Variants in PTPRD observed in about 807,000 individuals in gnomAD.
The protein encoded by PTPRD is receptor-type tyrosine-protein phosphatase delta.
PTPRD carries 34 observed loss-of-function variants against 214.5 expected under a neutral mutation model. The observed-to-expected ratio is 0.16, with a 90% CI of 0.12 to 0.21. The LOEUF (loss-of-function observed/expected upper bound fraction) is 0.21, where lower values mean the gene tolerates loss of function less well. Among genes scored for constraint, PTPRD ranks in the 10% least tolerant of loss-of-function variants. PTPRD has a pLI of 1.00. For synonymous variants in PTPRD, 1,128 were observed against 845.7 expected (o/e 1.33, Z -5.79); for missense variants, 2,545 against 2,398.7 (o/e 1.06, Z -1.27).
At chr9:8,568,809 T>C (rs1363082117) in intron 14 of PTPRD, among the ~76,000 whole-genome samples, 1 of 152,054 alleles carries the variant, frequency 6.6e-6, no homozygotes, top group Non-Finnish European at 1.5e-5. Context: ...ATATGAATAT[T>C]TTAGAAAATG....
intron 2 of PTPRD, among the ~76,000 whole-genome samples, chr9:10,432,520 C>T (rs1315923095): frequency 6.6e-6 from 1 of 152,050 alleles, no homozygotes; most frequent in East Asian, 1.9e-4. Context: ...AACACTAATT[C>T]TTCACCAAAA....
chr9:8,641,882 A>T (rs1424361800), intron 12 of PTPRD, among the ~76,000 whole-genome samples: 1 of 152,172 alleles, frequency 6.6e-6, no homozygotes, highest in African/African-American at 2.4e-5. Context: ...GTTGCTAGGC[A>T]CTCTGAAGAC....
intron 12 of PTPRD, among the ~76,000 whole-genome samples, chr9:8,722,492 T>G (rs538283952): frequency 4.1e-5 from 4 of 98,682 alleles, no homozygotes; most frequent in African/African-American, 2.4e-4. Context: ...ATATAAACAA[T>G]AAAGGGTTTT....
intron 11 of PTPRD, among the ~76,000 whole-genome samples, chr9:8,754,931 A>C (rs1438752085): frequency 4.6e-5 from 7 of 152,090 alleles, no homozygotes; most frequent in Non-Finnish European, 1.0e-4. Flanking sequence ...GATAACCCAG[A>C]TGGTCACTGA....
chr9:9,929,557 C>G, intron 5 of PTPRD, among the ~76,000 whole-genome samples: 1 of 152,228 alleles, frequency 6.6e-6, no homozygotes. Flanking sequence ...CCATGCCCAG[C>G]TAACTTTTAT....
intron 3 of PTPRD, among the ~76,000 whole-genome samples, chr9:10,269,997 G>A (rs1039290474): frequency 2.6e-5 from 4 of 152,130 alleles, no homozygotes; most frequent in African/African-American, 9.6e-5. Context: ...TAAGCTTCTT[G>A]AGAGGAGGAA....
At chr9:8,368,776 C>G (rs1272869858) in intron 39 of PTPRD, among the ~76,000 whole-genome samples, 1 of 151,612 alleles carries the variant, frequency 6.6e-6, no homozygotes, top group African/African-American at 2.4e-5. Context: ...ACTGAAGACC[C>G]AGCCTCCTGT....
chr9:10,467,713 A>G (rs2099004018), intron 2 of PTPRD, among the ~76,000 whole-genome samples: 1 of 152,250 alleles, frequency 6.6e-6, no homozygotes, highest in African/African-American at 2.4e-5. Flanking sequence ...TGCAAATTGT[A>G]ATGGAGTAGA....
Position 10,412,659 on chromosome 9 carries a change from CACACA to C in PTPRD, c.-599-71647_-599-71643del, listed in dbSNP as rs777851653. On this transcript the variant is annotated intron_variant, in intron 2 of 45. Coordinates refer to ENST00000381196, the MANE Select transcript of PTPRD (RefSeq NM_002839.4). ...ACACACACACACACACACACACACACACACACCCCTTGAAGCCAATATTCTTGATG... is the reference window on the plus strand; with the variant it reads ...ACACACACACACACACACACACACACCCCCTTGAAGCCAATATTCTTGATG... 1.6e-4 allele frequency among the ~76,000 whole-genome samples: 24 copies of C among 149,444 alleles called. 1 individual carries two copies. Among genetic ancestry groups the C allele is most frequent in the Middle Eastern group, 3.4e-3 (1 of 292 alleles).
chr9:9,134,051 A>C (rs866445604), intron 10 of PTPRD, among the ~76,000 whole-genome samples: 23 of 143,692 alleles, frequency 1.6e-4, no homozygotes, highest in Non-Finnish European at 3.1e-4. Context: ...GTTCATATAG[A>C]ATCATTCTTT....
At chr9:9,842,950 A>G (rs931498702) in intron 5 of PTPRD, among the ~76,000 whole-genome samples, 3 of 152,130 alleles carry the variant, frequency 2.0e-5, no homozygotes, top group African/African-American at 7.2e-5. Flanking sequence ...GGTTGTATAT[A>G]TAAGTTGTTT....
Position 8,526,658 on chromosome 9 carries a change from A to G in PTPRD, c.551-14T>C, listed in dbSNP as rs1285892669. On this transcript the variant is annotated splice_polypyrimidine_tract_variant and intron_variant, in intron 16 of 45. Transcript: ENST00000381196. Reference sequence around the variant, plus strand: ...TTGGTGTACCACCTGGGTGGATAATATGAATGCAAATAAGATTAGAAAGAA... The same window carrying G: ...TTGGTGTACCACCTGGGTGGATAATGTGAATGCAAATAAGATTAGAAAGAA... 1 of 1,576,128 alleles carries G rather than the reference A, an allele frequency of 6.3e-7. No individual in the cohort carries two copies. Among genetic ancestry groups the G allele is most frequent in the Non-Finnish European group, 8.6e-7 (1 of 1,158,100 alleles).
intron 11 of PTPRD, among the ~76,000 whole-genome samples, chr9:8,912,718 T>A (rs147350850): frequency 1.9e-4 from 29 of 152,300 alleles, no homozygotes; most frequent in Middle Eastern, 3.4e-3. Context: ...TATAATTTTT[T>A]AAAAAATATA....
chr9:10,090,074 A>G (rs1237443559), intron 3 of PTPRD, among the ~76,000 whole-genome samples: 1 of 151,708 alleles, frequency 6.6e-6, no homozygotes, highest in Non-Finnish European at 1.5e-5. Flanking sequence ...TCTGGGAATT[A>G]TGGACAGTTC....
intron 11 of PTPRD, among the ~76,000 whole-genome samples, chr9:8,741,211 G>C (rs1401475429): frequency 6.7e-6 from 1 of 148,328 alleles, no homozygotes; most frequent in East Asian, 1.9e-4. Context: ...CAGATAGAAA[G>C]GAAAAAAAAA....
intron 3 of PTPRD, among the ~76,000 whole-genome samples, chr9:10,063,694 A>G (rs2097822713): frequency 6.6e-6 from 1 of 152,008 alleles, no homozygotes; most frequent in Non-Finnish European, 1.5e-5. Context: ...TGAAAGCCCT[A>G]TAATATTCAG....
At chr9:10,096,880 A>G (rs1367772368) in intron 3 of PTPRD, among the ~76,000 whole-genome samples, 5 of 152,100 alleles carry the variant, frequency 3.3e-5, no homozygotes, top group African/African-American at 1.2e-4. Flanking sequence ...TAGGTCTAAC[A>G]CTGAAGTCTT....
At chr9:9,998,709 G>A (rs1407427238) in intron 4 of PTPRD, among the ~76,000 whole-genome samples, 1 of 152,130 alleles carries the variant, frequency 6.6e-6, no homozygotes, top group African/African-American at 2.4e-5. Context: ...ATAAGCAGTA[G>A]TTGCTCTAAA....
In PTPRD at chr9:9,110,006, C is replaced by G. The variant is rs151227073; in HGVS notation, c.-143+73298G>C. 2.1e-4 allele frequency among the ~76,000 whole-genome samples: 32 copies of G among 152,132 alleles called. No homozygotes were observed. In the East Asian group the frequency reaches 5.2e-3, roughly 25 times the overall value. ...CAACGAAATGAGCTTGGCACCAAAC[C>G]AGGAGCTCCAAAGAGACACTACAGA... On this transcript the variant is annotated intron_variant, in intron 10 of 45. Transcript: ENST00000381196.
Sources: gnomAD v4.1 joint callset for allele counts (sites outside exome capture counted in the v4.1 genomes callset) on GRCh38, gnomAD v4.1.1 for gene constraint, MANE v1.5 for transcripts, NCBI Gene and HGNC (gene_info 2026-07-23, HGNC 2026-07-21) for gene names.